RHAG: variants seen among roughly 807,000 people sequenced by gnomAD.
RHAG encodes the protein Rh associated glycoprotein.
Under a neutral mutation model 42.4 loss-of-function variants are expected in RHAG, and 25 were observed. The ratio of observed to expected loss-of-function variants is 0.59; its 90% confidence interval spans 0.43 to 0.82. RHAG has a LOEUF of 0.82. Ranked by LOEUF, RHAG falls within the 40% of genes least tolerant of loss-of-function variation. The pLI, the probability that RHAG is intolerant of heterozygous loss-of-function variation, is 0.00. For missense variants in RHAG, 483 were observed against 504.6 expected, an observed-to-expected ratio of 0.96 and a Z score of 0.41; for synonymous variants, 182 against 177.7, an observed-to-expected ratio of 1.02 and a Z score of -0.19.
At chr6:49,615,229 C>A (rs897869467) in intron 4 of RHAG, 4 of 283,382 alleles carry the variant, frequency 1.4e-5, no homozygotes, top group African/African-American at 6.7e-5. Flanking sequence ...GGATTACAGG[C>A]GTGAGCCACC....
intron 1 of RHAG, among the ~76,000 whole-genome samples, chr6:49,626,236 T>C (rs1762841954): frequency 6.6e-6 from 1 of 152,174 alleles, no homozygotes; most frequent in Admixed American, 6.5e-5. Flanking sequence ...ACAAGGCAAG[T>C]CCCTTCCACC....
At chr6:49,615,295 T>C (rs1762634731) in intron 4 of RHAG, 2 of 276,870 alleles carry the variant, frequency 7.2e-6, no homozygotes, top group Non-Finnish European at 1.4e-5. Context: ...CTCTGTTTAG[T>C]CTTGATTATC....
intron 1 of RHAG, among the ~76,000 whole-genome samples, chr6:49,629,765 T>A (rs573619745): frequency 1.3e-5 from 2 of 152,282 alleles, no homozygotes; most frequent in African/African-American, 4.8e-5. Context: ...GGGGACCCAG[T>A]ACACCCTCCG....
chr6:49,630,918 T>C (rs1762925893), intron 1 of RHAG, among the ~76,000 whole-genome samples: 2 of 152,254 alleles, frequency 1.3e-5, no homozygotes, highest in Non-Finnish European at 2.9e-5. Flanking sequence ...CTTTGTCATG[T>C]GTCTTTAGAC....
intron 1 of RHAG, among the ~76,000 whole-genome samples, chr6:49,634,980 T>TG (rs1562021949): frequency 7.8e-3 from 400 of 51,170 alleles, no homozygotes; most frequent in African/African-American, 0.032. Flanking sequence ...GTGTGTGTGT[T>TG]TGTGTATACC....
chr6:49,619,071 G>T, intron 2 of RHAG, 108 bp downstream of exon 2: 1 of 1,245,512 alleles, frequency 8.0e-7, no homozygotes, highest in East Asian at 2.4e-5. Flanking sequence ...TCATGACCTG[G>T]TCACCTCCCC....
chr6:49,632,680 C>A (rs562705321), intron 1 of RHAG, among the ~76,000 whole-genome samples: 3 of 151,996 alleles, frequency 2.0e-5, no homozygotes, highest in African/African-American at 7.2e-5. Context: ...GATAAACTAA[C>A]GGATTTTTAA....
intron 4 of RHAG, chr6:49,615,171 C>T (rs538057279): frequency 7.0e-4 from 214 of 306,972 alleles, no homozygotes; most frequent in Middle Eastern, 5.7e-3. Context: ...AGGCTGGTCT[C>T]GAACTCCTGA....
Position 49,615,689 on chromosome 6 carries a change from G to C in RHAG, c.575C>G (p.Ser192Cys). The change falls in exon 4 of 10, where the codon TCT (serine) becomes TGT (cysteine). Residue 192 changes from serine to cysteine, a missense_variant. Coordinates refer to ENST00000371175, the MANE Select transcript of RHAG (RefSeq NM_000324.3). ...GLAVAGILYR[S>C]GLRKGHENEE... The stretch of plus-strand genomic sequence containing the variant: ...ATTTTCATGCCCCTTTCTCAGTCCA[G>C]ATCGATACAAGATGCCTGCTACAGC... The C allele has an allele frequency of 6.2e-7, 1 of 1,614,086 alleles. No homozygotes were observed. The highest frequency in any genetic ancestry group is 8.5e-7 in the Non-Finnish European group (1 of 1,180,016).
At position 49,606,908 on chromosome 6, in the gene RHAG, C is replaced by A; in HGVS notation, c.1152G>T (p.Lys384Asn). ...VGGLMTGLIL[K>N]LPLWGQPSDQ... Reference sequence around the variant, plus strand: ...CAGATGGCTGTCCCCAGAGAGGCAACTTTAGAATTAAACCTGTGACGGTAG... The same window carrying A: ...CAGATGGCTGTCCCCAGAGAGGCAAATTTAGAATTAAACCTGTGACGGTAG... The change falls in exon 9 of 10, where the codon AAG (lysine) becomes AAT (asparagine). Residue 384 changes from lysine to asparagine, a missense_variant. Physicochemically the swap from Lys to Asn is moderately conservative, Grantham distance 94. Transcript: ENST00000371175. 6.2e-7 allele frequency: 1 copy of A among 1,611,452 alleles called. No individual in the cohort carries two copies. The highest frequency in any genetic ancestry group is 8.5e-7 in the Non-Finnish European group (1 of 1,177,722).
intron 1 of RHAG, among the ~76,000 whole-genome samples, chr6:49,631,674 G>A (rs983786276): frequency 3.3e-5 from 5 of 152,128 alleles, no homozygotes; most frequent in African/African-American, 1.2e-4. Flanking sequence ...CCCTGAGTGG[G>A]GAATGATATT....
At chr6:49,626,215 T>C (rs1464330253) in intron 1 of RHAG, among the ~76,000 whole-genome samples, 1 of 152,122 alleles carries the variant, frequency 6.6e-6, no homozygotes. Flanking sequence ...AAGTCCACAG[T>C]TTCATCTGAG....
chr6:49,611,183 A>T (rs1762563814), intron 6 of RHAG, 38 bp from the exon 7 acceptor site: 1 of 1,548,518 alleles, frequency 6.5e-7, no homozygotes, highest in Non-Finnish European at 8.9e-7. Flanking sequence ...TTATTTAGTT[A>T]AACATATAGA....
Position 49,613,742 on chromosome 6 carries a change from G to T in RHAG, c.807+945C>A, listed in dbSNP as rs1298391865. 2.0e-5 allele frequency among the ~76,000 whole-genome samples: 3 copies of T among 152,272 alleles called. 1 individual carries two copies. Among genetic ancestry groups the T allele is most frequent in the East Asian group, 3.9e-4 (2 of 5,184 alleles). On this transcript the variant is annotated intron_variant, in intron 5 of 9. Transcript: ENST00000371175. Reference sequence around the variant, plus strand: ...AATATTTTATTTTGAACTAATTGCAGACACATAAAAGTTGTAAAAATGCTA... The same window carrying T: ...AATATTTTATTTTGAACTAATTGCATACACATAAAAGTTGTAAAAATGCTA...
chr6:49,626,634 C>T (rs1367223850), intron 1 of RHAG, among the ~76,000 whole-genome samples: 1 of 152,154 alleles, frequency 6.6e-6, no homozygotes, highest in Non-Finnish European at 1.5e-5. Flanking sequence ...GATGGTGGCC[C>T]TCTTCTCAGC....
At chr6:49,622,081 C>T (rs1287817459) in intron 1 of RHAG, among the ~76,000 whole-genome samples, 1 of 151,846 alleles carries the variant, frequency 6.6e-6, no homozygotes, top group Non-Finnish European at 1.5e-5. Flanking sequence ...TCTGCGTCTC[C>T]ACCCAAATCT....
In RHAG at chr6:49,636,697, G is replaced by C; in HGVS notation, c.116C>G (p.Thr39Ser). The C allele has an allele frequency of 6.2e-7, 1 of 1,613,962 alleles. No homozygotes were observed. The highest frequency in any genetic ancestry group is 2.2e-5 in the East Asian group (1 of 44,878). Residue 39 changes from threonine (T) to serine (S), a missense_variant, in exon 1 of 10, where the codon ACC (threonine) becomes AGC (serine). Physicochemically the swap from Thr to Ser is moderately conservative, Grantham distance 58 (BLOSUM62 1). Transcript: ENST00000371175. ...DQTVLEQLNI[T>S]KPTDMGIFFE... ...GAATATGCCCATGTCTGTTGGCTTG[G>C]TGATGTTGAGCTGCTCGAGAACAGT...
At position 49,605,690 on chromosome 6, in the gene RHAG, C is replaced by G; in HGVS notation, c.*123G>C. 1.1e-6 allele frequency: 1 copy of G among 924,356 alleles called. No individual in the cohort carries two copies. 57.3% of individuals were successfully genotyped at this position (924,356 alleles called of 1,614,324 possible). ...CTGGTCCATACTCTCTTTGGTTACT[C>G]CCTTTTTGTTTATTTGGACTTGATT... On this transcript the variant is annotated 3_prime_UTR_variant, in exon 10 of 10. Transcript: ENST00000371175.
At position 49,614,790 on chromosome 6, in the gene RHAG, T is replaced by C; in HGVS notation, c.704A>G (p.Lys235Arg). The C allele has an allele frequency of 6.2e-7, 1 of 1,614,170 alleles. No homozygotes were observed. The highest frequency in any genetic ancestry group is 8.5e-7 in the Non-Finnish European group (1 of 1,180,024). ...CGTGTTTACAATGGCCCTGCACTGT[T>C]TGTCTCCAGGTTCAGCAATGGCCGA... ...FNSAIAEPGDKQCRAIVNTYF... is the reference protein window; with the variant it reads ...FNSAIAEPGDRQCRAIVNTYF... The change falls in exon 5 of 10, where the codon AAA (lysine) becomes AGA (arginine). Residue 235 changes from lysine (K) to arginine (R), a missense_variant. Lys to Arg is a conservative substitution (Grantham distance 26). Coordinates refer to ENST00000371175, the MANE Select transcript of RHAG (RefSeq NM_000324.3).
Sources: gnomAD v4.1 joint callset for allele counts (sites outside exome capture counted in the v4.1 genomes callset) on GRCh38, gnomAD v4.1.1 for gene constraint, MANE v1.5 for transcripts, NCBI Gene and HGNC (gene_info 2026-07-23, HGNC 2026-07-21) for gene names.